Variants in RASAL2 observed in about 807,000 individuals in gnomAD.
RASAL2 encodes the protein RAS protein activator like 2, also known as ras GTPase-activating protein nGAP.
RASAL2 carries 58 observed loss-of-function variants against 128.9 expected under a neutral mutation model. The ratio of observed to expected loss-of-function variants is 0.45; its 90% CI spans 0.36 to 0.56. The LOEUF is 0.56. RASAL2 is among the 20% of genes least tolerant of loss of function. The probability of loss-of-function intolerance (pLI) is 0.00; values close to 1 mark genes in which losing one functional copy is unlikely to be tolerated. For synonymous variants in RASAL2, 561 were observed against 580.8 expected (o/e 0.97, Z 0.49); for missense variants, 1,360 against 1,601.6 (o/e 0.85, Z 2.57).
intron 3 of RASAL2, among the ~76,000 whole-genome samples, chr1:178,312,548 T>C (rs1236763630): frequency 3.3e-5 from 5 of 152,292 alleles, no homozygotes; most frequent in African/African-American, 7.2e-5. Flanking sequence ...ATGAAAGATA[T>C]GTTTTACTAA....
chr1:178,296,602 A>G (rs759779686), intron 2 of RASAL2, among the ~76,000 whole-genome samples: 6 of 150,036 alleles, frequency 4.0e-5, no homozygotes, highest in East Asian at 3.9e-4. Flanking sequence ...GCCTCAAGAG[A>G]TTCTCCCACC....
At chr1:178,290,021 C>G (rs1026955510) in intron 2 of RASAL2, among the ~76,000 whole-genome samples, 2 of 152,208 alleles carry the variant, frequency 1.3e-5, no homozygotes, top group African/African-American at 4.8e-5. Flanking sequence ...CTCCCCACAT[C>G]TGTATCCAGA....
chr1:178,247,571 A>G (rs1664825741), intron 1 of RASAL2, among the ~76,000 whole-genome samples: 1 of 151,826 alleles, frequency 6.6e-6, no homozygotes, highest in Admixed American at 6.6e-5. Context: ...TATCTCCTTC[A>G]GTTCTGCACT....
chr1:178,384,136 G>A (rs1375620262), intron 3 of RASAL2, among the ~76,000 whole-genome samples: 1 of 152,130 alleles, frequency 6.6e-6, no homozygotes, highest in Non-Finnish European at 1.5e-5. Flanking sequence ...ATTTATTCAT[G>A]TTTTATAATT....
rs750003868 is a variant in RASAL2 at position 178,452,657 on chromosome 1, G to A, written c.2009+5G>A. 1 of 1,599,776 alleles carries A rather than the reference G, an allele frequency of 6.3e-7. No homozygotes were observed. The highest frequency in any genetic ancestry group is 1.7e-5 in the Admixed American group (1 of 59,960). The stretch of plus-strand genomic sequence containing the variant: ...GAACCTGGCCAACTTTGCCAAGTAG[G>A]TGATACTGTTGTAACCACTTTAAAA... On this transcript the variant is annotated splice_donor_5th_base_variant and intron_variant, in intron 11 of 17. Coordinates refer to ENST00000367649, the MANE Select transcript of RASAL2 (RefSeq NM_170692.4).
chr1:178,296,633 G>T (rs527928385), intron 2 of RASAL2, among the ~76,000 whole-genome samples: 1 of 150,526 alleles, frequency 6.6e-6, no homozygotes, highest in Non-Finnish European at 1.5e-5. Context: ...AAAGTGCTGC[G>T]ATTACAGGTG....
chr1:178,155,312 A>G, intron 1 of RASAL2, among the ~76,000 whole-genome samples: 1 of 151,972 alleles, frequency 6.6e-6, no homozygotes, highest in Non-Finnish European at 1.5e-5. Flanking sequence ...ATCAAGTTTC[A>G]TGCTCTTTGT....
intron 1 of RASAL2, among the ~76,000 whole-genome samples, chr1:178,235,758 C>A (rs1388554084): frequency 1.3e-5 from 2 of 152,082 alleles, no homozygotes; most frequent in Non-Finnish European, 2.9e-5. Context: ...TTCTTTCTGG[C>A]CTAGTGTCTA....
At chr1:178,423,899 A>G (rs543010368) in intron 5 of RASAL2, among the ~76,000 whole-genome samples, 1 of 152,206 alleles carries the variant, frequency 6.6e-6, no homozygotes, top group East Asian at 1.9e-4. Flanking sequence ...AGCCACTACT[A>G]TGCATGTTAA....
Position 178,094,541 on chromosome 1 carries a change from C to T in RASAL2, c.49C>T (p.Pro17Ser). ...SGGAAEALSW[P>S]EMFPALESDS... ...AGGAGCCGCGGAGGCGCTGTCCTGGCCGGAGATGTTCCCGGCGCTGGAGTC... is the reference window on the plus strand; with the variant it reads ...AGGAGCCGCGGAGGCGCTGTCCTGGTCGGAGATGTTCCCGGCGCTGGAGTC... Residue 17 changes from proline (P) to serine (S), a missense_variant, in exon 1 of 18, where the codon CCG (proline) becomes TCG (serine). Physicochemically the swap from Pro to Ser is moderately conservative, Grantham distance 74. Transcript: ENST00000367649. The T allele has an allele frequency of 5.1e-6, 8 of 1,583,072 alleles. No individual in the cohort carries two copies. Among genetic ancestry groups the T allele is most frequent in the Non-Finnish European group, 6.9e-6 (8 of 1,165,328 alleles).
At chr1:178,096,648 G>A (rs1166428131) in intron 1 of RASAL2, among the ~76,000 whole-genome samples, 1 of 151,910 alleles carries the variant, frequency 6.6e-6, no homozygotes, top group Non-Finnish European at 1.5e-5. Flanking sequence ...TCACAGAAAT[G>A]CATGGTATGT....
chr1:178,277,899 G>A (rs1305251220), intron 1 of RASAL2, among the ~76,000 whole-genome samples: 4 of 152,108 alleles, frequency 2.6e-5, no homozygotes, highest in Non-Finnish European at 5.9e-5. Flanking sequence ...AGCTTTCTCT[G>A]GAAGGCAGTA....
At chr1:178,450,588 A>G (rs1366685092) in intron 9 of RASAL2, among the ~76,000 whole-genome samples, 1 of 152,114 alleles carries the variant, frequency 6.6e-6, no homozygotes, top group African/African-American at 2.4e-5. Flanking sequence ...GCTGCTACTT[A>G]GTTTTGCAGG....
At chr1:178,437,150 G>T (rs112804497) in intron 5 of RASAL2, among the ~76,000 whole-genome samples, 1 of 152,078 alleles carries the variant, frequency 6.6e-6, no homozygotes, top group Non-Finnish European at 1.5e-5. Flanking sequence ...TACCTGAGGG[G>T]CTGGGTGCAG....
At chr1:178,156,332 A>C (rs1329503029) in intron 1 of RASAL2, among the ~76,000 whole-genome samples, 1 of 152,198 alleles carries the variant, frequency 6.6e-6, no homozygotes. Flanking sequence ...ATCTCTAAGT[A>C]AGGATTAATT....
At chr1:178,146,510 G>A (rs778426068) in intron 1 of RASAL2, among the ~76,000 whole-genome samples, 48 of 152,286 alleles carry the variant, frequency 3.2e-4, no homozygotes, top group East Asian at 1.3e-3. Context: ...CCATTTTTGC[G>A]TGTAATCATG....
chr1:178,337,796 A>G (rs760211600), intron 3 of RASAL2, among the ~76,000 whole-genome samples: 9 of 151,902 alleles, frequency 5.9e-5, no homozygotes, highest in Non-Finnish European at 1.0e-4. Flanking sequence ...CAGTGGCGCA[A>G]TCTCAGCTCA....
At chr1:178,347,326 C>T (rs1281710494) in intron 3 of RASAL2, among the ~76,000 whole-genome samples, 1 of 152,078 alleles carries the variant, frequency 6.6e-6, no homozygotes, top group Non-Finnish European at 1.5e-5. Context: ...GTTTCTCTTT[C>T]CCCCTATCAG....
chr1:178,236,130 A>T (rs1369213238), intron 1 of RASAL2, among the ~76,000 whole-genome samples: 1 of 152,128 alleles, frequency 6.6e-6, no homozygotes, highest in African/African-American at 2.4e-5. Context: ...TAACCAGAAG[A>T]TAGTCTCTTT....
Sources: gnomAD v4.1 joint callset for allele counts (sites outside exome capture counted in the v4.1 genomes callset) on GRCh38, gnomAD v4.1.1 for gene constraint, MANE v1.5 for transcripts, NCBI Gene and HGNC (gene_info 2026-07-23, HGNC 2026-07-21) for gene names.